MSH3: variants seen among roughly 807,000 people sequenced by gnomAD.
MSH3 encodes the protein DNA mismatch repair protein Msh3.
A neutral mutation model predicts 123.3 loss-of-function variants in MSH3; 106 were observed. The observed-to-expected ratio is 0.86, with a 90% confidence interval of 0.73 to 1.01. The LOEUF is 1.01. Among genes scored for constraint, MSH3 ranks in the 50% least tolerant of loss-of-function variants. The pLI is 0.00. For missense variants in MSH3, 1,459 were observed against 1,347.6 expected, an observed-to-expected ratio of 1.08 and a Z score of -1.29; for synonymous variants, 515 against 481.4, an observed-to-expected ratio of 1.07 and a Z score of -0.91.
At chr5:80,664,518 A>G (rs6151606) in intron 2 of MSH3, among the ~76,000 whole-genome samples, 14,989 of 152,122 alleles carry the variant, frequency 0.099, 793 homozygotes, top group African/African-American at 0.13. Flanking sequence ...TACTCCATCA[A>G]CTGTGCTTGT....
chr5:80,801,816 A>AG (rs1284815313), intron 19 of MSH3, among the ~76,000 whole-genome samples: 1 of 152,132 alleles, frequency 6.6e-6, no homozygotes, highest in East Asian at 1.9e-4. Flanking sequence ...CTGATTTTAG[A>AG]GGGGAGGAAA....
At chr5:80,689,390 CAA>C (rs1750175662) in intron 8 of MSH3, among the ~76,000 whole-genome samples, 1 of 152,002 alleles carries the variant, frequency 6.6e-6, no homozygotes, top group Non-Finnish European at 1.5e-5. Context: ...TTAAAATTTA[CAA>C]AGTTAATACA....
rs1389882507 is a variant in MSH3, at chr5:80,875,793, T to C, written c.3345T>C (p.Asn1115=). 5 of 1,613,920 alleles carry C rather than the reference T, an allele frequency of 3.1e-6. No homozygotes were observed. Among genetic ancestry groups the C allele is most frequent in the Non-Finnish European group, 4.2e-6 (5 of 1,179,880 alleles). Residue 1115 remains asparagine, a synonymous_variant, in exon 24 of 24, where the codon AAT becomes AAC. Transcript: ENST00000265081. The part of the protein sequence containing the change: ...KYFAKLWTMH[N]AQDLQKWTEE... The stretch of plus-strand genomic sequence containing the variant: ...TTGCAAAGTTATGGACGATGCATAA[T>C]GCACAAGACCTGCAGAAGTGGACAG...
At chr5:80,663,345 G>A (rs879766370) in intron 2 of MSH3, among the ~76,000 whole-genome samples, 4 of 152,174 alleles carry the variant, frequency 2.6e-5, no homozygotes, top group Admixed American at 1.3e-4. Flanking sequence ...GTTACAGTAG[G>A]CAGTTTCAGC....
intron 8 of MSH3, among the ~76,000 whole-genome samples, chr5:80,723,272 C>G (rs1340080165): frequency 6.6e-6 from 1 of 151,916 alleles, no homozygotes; most frequent in Non-Finnish European, 1.5e-5. Flanking sequence ...AGATGCCAAG[C>G]CCTAGAAATT....
At chr5:80,764,956 C>A (rs939178942) in intron 13 of MSH3, among the ~76,000 whole-genome samples, 1 of 152,122 alleles carries the variant, frequency 6.6e-6, no homozygotes, top group Non-Finnish European at 1.5e-5. Flanking sequence ...TCCAGTGAGG[C>A]CCTGCCACCA....
At chr5:80,848,838 G>A (rs934955855) in intron 20 of MSH3, among the ~76,000 whole-genome samples, 11 of 152,234 alleles carry the variant, frequency 7.2e-5, no homozygotes, top group Middle Eastern at 3.4e-3. Flanking sequence ...CCCAAATCTC[G>A]TATCTTCACA....
intron 20 of MSH3, among the ~76,000 whole-genome samples, chr5:80,830,352 A>G (rs1406538961): frequency 6.6e-6 from 1 of 152,184 alleles, no homozygotes. Flanking sequence ...TGATGCACAA[A>G]TTTAGGAGCC....
intron 3 of MSH3, among the ~76,000 whole-genome samples, chr5:80,667,659 C>CAGCT (rs2112810554): frequency 6.6e-6 from 1 of 152,302 alleles, no homozygotes; most frequent in South Asian, 2.1e-4. Flanking sequence ...GCAGGGTGGG[C>CAGCT]AGCTCCAGGT....
At chr5:80,827,637 CATCTT>C (rs1368630063) in intron 20 of MSH3, among the ~76,000 whole-genome samples, 3 of 152,182 alleles carry the variant, frequency 2.0e-5, no homozygotes, top group African/African-American at 2.4e-5. Context: ...TTAAAAATGT[CATCTT>C]ATCAATATCT....
At chr5:80,854,023 T>C in intron 20 of MSH3, 107 bp from the exon 21 acceptor site, 2 of 946,644 alleles carry the variant, frequency 2.1e-6, no homozygotes, top group Non-Finnish European at 3.2e-6. Context: ...TGGCTCAAAA[T>C]ATATAGATTC....
At chr5:80,752,229 G>T (rs895118020) in intron 12 of MSH3, among the ~76,000 whole-genome samples, 1 of 151,922 alleles carries the variant, frequency 6.6e-6, no homozygotes, top group African/African-American at 2.4e-5. Flanking sequence ...AGCCAAGGTG[G>T]AATGGGAGAA....
chr5:80,732,006 G>A (rs913061437), intron 10 of MSH3, among the ~76,000 whole-genome samples: 1 of 152,078 alleles, frequency 6.6e-6, no homozygotes, highest in African/African-American at 2.4e-5. Context: ...TGTGCCATTA[G>A]AATAGAATTT....
chr5:80,677,406 A>G (rs145489865), intron 7 of MSH3, among the ~76,000 whole-genome samples: 2 of 152,322 alleles, frequency 1.3e-5, no homozygotes, highest in African/African-American at 4.8e-5. Context: ...CTGATTAAAG[A>G]AAAAGGGAAT....
intron 12 of MSH3, among the ~76,000 whole-genome samples, chr5:80,757,157 A>G (rs1159505791): frequency 6.6e-6 from 1 of 151,910 alleles, no homozygotes; most frequent in Admixed American, 6.6e-5. Context: ...TTGCAGGCAT[A>G]CAATGTATAA....
At chr5:80,875,672 C>G in intron 23 of MSH3, 79 bp from the exon 24 acceptor site, 2 of 845,664 alleles carry the variant, frequency 2.4e-6, no homozygotes, top group Non-Finnish European at 4.0e-6. Context: ...GTGTTATAGA[C>G]TTTTCATAGC....
intron 12 of MSH3, among the ~76,000 whole-genome samples, chr5:80,750,078 A>AGAGT (rs1554071460): frequency 7.5e-6 from 1 of 134,206 alleles, no homozygotes; most frequent in Non-Finnish European, 1.5e-5. Context: ...AGTATTCCAG[A>AGAGT]GTGTGTGTGT....
chr5:80,764,536 A>ATTTTT (rs62867161), intron 13 of MSH3, among the ~76,000 whole-genome samples: 6 of 131,070 alleles, frequency 4.6e-5, no homozygotes, highest in Non-Finnish European at 6.6e-5. Context: ...TTTTTTTTGC[A>ATTTTT]TTTTTTTGTA....
chr5:80,774,201 A>G (rs1192650702), intron 15 of MSH3, among the ~76,000 whole-genome samples: 1 of 152,218 alleles, frequency 6.6e-6, no homozygotes, highest in Non-Finnish European at 1.5e-5. Flanking sequence ...TTTGCAGAGC[A>G]CAGTTGGATC....
Sources: gnomAD v4.1 joint callset for allele counts (sites outside exome capture counted in the v4.1 genomes callset) on GRCh38, gnomAD v4.1.1 for gene constraint, MANE v1.5 for transcripts, NCBI Gene and HGNC (gene_info 2026-07-23, HGNC 2026-07-21) for gene names.